TMC7: variants seen among roughly 807,000 people sequenced by gnomAD.
TMC7 encodes transmembrane channel-like protein 7.
A neutral mutation model predicts 82.9 loss-of-function variants in TMC7; 54 were observed. That is an observed-to-expected ratio of 0.65 (90% CI 0.52 to 0.82). The LOEUF is 0.82. Ranked by LOEUF, TMC7 falls within the 40% of genes least tolerant of loss-of-function variation. The pLI is 0.00. For synonymous variants in TMC7, 350 were observed against 337.9 expected, an observed-to-expected ratio of 1.04 and a Z score of -0.39; for missense variants, 820 against 901.2, an observed-to-expected ratio of 0.91 and a Z score of 1.15.
chr16:19,039,837 C>A (rs149183430), intron 8 of TMC7, among the ~76,000 whole-genome samples: 113 of 152,098 alleles, frequency 7.4e-4, no homozygotes, highest in African/African-American at 2.1e-3. Context: ...AGATGGCGGC[C>A]GGGCGAGGTG....
At chr16:19,060,848 G>A (rs112879133) in intron 15 of TMC7, among the ~76,000 whole-genome samples, 8,079 of 149,206 alleles carry the variant, frequency 0.054, 281 homozygotes, top group South Asian at 0.13. Context: ...GTGCAGTGCC[G>A]CAATTTCAGC....
At chr16:19,050,340 C>A (rs1046985632) in intron 12 of TMC7, among the ~76,000 whole-genome samples, 7 of 118,374 alleles carry the variant, frequency 5.9e-5, no homozygotes, top group Non-Finnish European at 8.1e-5. Flanking sequence ...ACACTCCAGC[C>A]TGGGAGACAG....
intron 6 of TMC7, among the ~76,000 whole-genome samples, chr16:19,034,546 C>T (rs570550931): frequency 7.2e-5 from 11 of 151,816 alleles, no homozygotes; most frequent in African/African-American, 2.7e-4. Context: ...TGCAGTGAGC[C>T]GAGACTGCAC....
At chr16:18,986,807 CT>C (rs779181968) in intron 1 of TMC7, among the ~76,000 whole-genome samples, 80 of 146,600 alleles carry the variant, frequency 5.5e-4, no homozygotes, top group South Asian at 3.9e-3. Flanking sequence ...CCTCTTGGTT[CT>C]TTTTTTTTTT....
chr16:19,021,152 A>C (rs773065671), intron 3 of TMC7, among the ~76,000 whole-genome samples: 2 of 152,198 alleles, frequency 1.3e-5, no homozygotes, highest in African/African-American at 2.4e-5. Context: ...AAGACCAAAG[A>C]TATCTAAGAC....
intron 1 of TMC7, among the ~76,000 whole-genome samples, chr16:19,005,333 T>C (rs1347033707): frequency 6.6e-6 from 1 of 152,018 alleles, no homozygotes; most frequent in African/African-American, 2.4e-5. Flanking sequence ...CGTGATCCAC[T>C]CGCCTCGGCC....
chr16:19,035,643 T>G, intron 6 of TMC7, 33 bp from the exon 7 acceptor site: 1 of 1,614,056 alleles, frequency 6.2e-7, no homozygotes, highest in Non-Finnish European at 8.5e-7. Context: ...TGCTGTTGTT[T>G]CTATAAGAAG....
At chr16:19,003,487 A>G (rs1352984054) in intron 1 of TMC7, among the ~76,000 whole-genome samples, 17 of 148,736 alleles carry the variant, frequency 1.1e-4, no homozygotes, top group Admixed American at 5.3e-4. Flanking sequence ...CCTACTGGGA[A>G]GTGAGGAGCC....
chr16:19,056,852 C>T (rs1037838638), intron 14 of TMC7, among the ~76,000 whole-genome samples, 155 bp downstream of exon 14: 5 of 152,036 alleles, frequency 3.3e-5, no homozygotes, highest in Admixed American at 6.6e-5. Context: ...AGGCCAGGCG[C>T]GGTGGCTCAT....
At chr16:19,015,778 G>C (rs4322648) in intron 2 of TMC7, among the ~76,000 whole-genome samples, 52,799 of 151,630 alleles carry the variant, frequency 0.35, 9,613 homozygotes, top group African/African-American at 0.43. Flanking sequence ...GTTTCACTAT[G>C]TTGGCCAGGC....
intron 15 of TMC7, 123 bp downstream of exon 15, chr16:19,059,617 A>G (rs1457960797): frequency 6.3e-7 from 1 of 1,590,326 alleles, no homozygotes; most frequent in East Asian, 2.2e-5. Context: ...CCACCTCCCC[A>G]AAACTCTGCC....
At chr16:19,029,075 G>T (rs1031181538) in intron 5 of TMC7, among the ~76,000 whole-genome samples, 1 of 151,168 alleles carries the variant, frequency 6.6e-6, no homozygotes, top group South Asian at 2.1e-4. Context: ...GCACAATCTC[G>T]GCTCACTGCA....
intron 4 of TMC7, among the ~76,000 whole-genome samples, chr16:19,022,558 G>C (rs1028751519): frequency 7.2e-5 from 11 of 152,280 alleles, no homozygotes; most frequent in African/African-American, 2.6e-4. Flanking sequence ...TGTAACCTAG[G>C]AGCATAGGCC....
Position 19,056,544 on chromosome 16 carries a change from T to A in TMC7, c.1874T>A (p.Ile625Asn), listed in dbSNP as rs752328966. ...IIPLTISISR[I>N]PSSKACGPFT... is the part of the protein sequence containing the mutation. The stretch of plus-strand genomic sequence containing the variant: ...CCCGTTGGTCTGTGTCCTGGCAGCA[T>A]CCCTTCCTCGAAAGCCTGTGGGCCG... Residue 625 changes from isoleucine to asparagine, a missense_variant and splice_region_variant, in exon 14 of 16, where the codon ATC becomes AAC. Coordinates refer to ENST00000304381, the MANE Select transcript of TMC7 (RefSeq NM_024847.4). 9.3e-6 allele frequency: 15 copies of A among 1,613,410 alleles called. No homozygotes were observed. Among genetic ancestry groups the A allele is most frequent in the Admixed American group, 1.7e-5 (1 of 59,960 alleles).
chr16:19,049,000 A>C (rs1243008102), intron 12 of TMC7, among the ~76,000 whole-genome samples: 1 of 152,126 alleles, frequency 6.6e-6, no homozygotes, highest in Non-Finnish European at 1.5e-5. Context: ...GATTACACCC[A>C]CCCTTTGACA....
At chr16:19,010,783 G>T (rs539469064) in intron 2 of TMC7, among the ~76,000 whole-genome samples, 1 of 152,242 alleles carries the variant, frequency 6.6e-6, no homozygotes, top group African/African-American at 2.4e-5. Context: ...GCTGATCTAG[G>T]CTGGGGATCA....
chr16:19,044,873 T>C lies in TMC7; in HGVS notation c.1338-11T>C, dbSNP rs1567525464. 1.9e-6 allele frequency: 3 copies of C among 1,594,088 alleles called. No individual in the cohort carries two copies. Among genetic ancestry groups the C allele is most frequent in the Non-Finnish European group, 2.6e-6 (3 of 1,166,712 alleles). On this transcript the variant is annotated splice_polypyrimidine_tract_variant and intron_variant, in intron 9 of 15. Coordinates refer to ENST00000304381, the MANE Select transcript of TMC7 (RefSeq NM_024847.4). ...CTCATCTTCCCATCCTCTCTCCTTC[T>C]CTCCCCGAAGGTGTGTCTTTATGCG...
rs184028508 is a variant in TMC7, at chr16:19,024,690, C to T, written c.711+1495C>T. The stretch of plus-strand genomic sequence containing the variant: ...TTTCCCAAGTAGCTAGGACTACAGG[C>T]GTGCACTACACTTGGCTAAAAGCAA... On this transcript the variant is annotated intron_variant, in intron 5 of 15. Transcript: ENST00000304381. Among the ~76,000 whole-genome samples the T allele has an allele frequency of 6.4e-4, 97 of 152,054 alleles. No individual in the cohort carries two copies. The Middle Eastern group carries it at 0.017, about 27-fold the overall frequency.
intron 1 of TMC7, among the ~76,000 whole-genome samples, chr16:18,988,262 C>G (rs2038889022): frequency 1.3e-5 from 2 of 150,398 alleles, no homozygotes; most frequent in Non-Finnish European, 2.9e-5. Flanking sequence ...TCAATCCATT[C>G]TCCTGCCTCA....
Sources: gnomAD v4.1 joint callset for allele counts (sites outside exome capture counted in the v4.1 genomes callset) on GRCh38, gnomAD v4.1.1 for gene constraint, MANE v1.5 for transcripts, NCBI Gene and HGNC (gene_info 2026-07-23, HGNC 2026-07-21) for gene names.